Variants in TRMT44 observed in about 807,000 individuals in gnomAD.
TRMT44 encodes the protein probable tRNA (uracil-O(2)-)-methyltransferase.
In TRMT44, 78 loss-of-function variants were observed where a neutral mutation model predicts 77.3. The ratio of observed to expected loss-of-function variants is 1.01; its 90% CI spans 0.84 to 1.22. The LOEUF (loss-of-function observed/expected upper bound fraction) is 1.22, where lower values mean the gene tolerates loss of function less well. TRMT44 is among the 50% of genes most tolerant of loss of function. The pLI, the probability that TRMT44 is intolerant of heterozygous loss-of-function variation, is 0.00. For missense variants in TRMT44, 1,090 were observed against 964.4 expected, an observed-to-expected ratio of 1.13 and a Z score of -1.73; for synonymous variants, 391 against 383.3, an observed-to-expected ratio of 1.02 and a Z score of -0.23.
Position 8,452,995 on chromosome 4 carries a change from G to T in TRMT44, c.1131+6G>T. On this transcript the variant is annotated splice_donor_region_variant and intron_variant, in intron 5 of 10. Coordinates refer to ENST00000389737, the MANE Select transcript of TRMT44 (RefSeq NM_152544.3). This position sits in a 1 kb window ranked among gnomAD's most constrained non-coding sequence, Gnocchi z 5.7. ...ACATCCTGAGCAGTGAGGGGGTAAG[G>T]CCCGGCTCCATCACCTTTTCTGGTA... The T allele has an allele frequency of 2.0e-6, 3 of 1,479,062 alleles. No individual in the cohort carries two copies. Among genetic ancestry groups the T allele is most frequent in the Non-Finnish European group, 2.7e-6 (3 of 1,114,240 alleles). The allele number at this position is 1,479,062 out of a possible 1,614,324, so 91.6% of individuals were successfully genotyped here.
downstream of TRMT44, among the ~76,000 whole-genome samples, chr4:8,480,652 G>A (rs1035594939): frequency 2.6e-5 from 4 of 152,272 alleles, no homozygotes; most frequent in East Asian, 3.9e-4. Flanking sequence ...TCTCCCTGGC[G>A]CCTGCGACCA....
At position 8,461,861 on chromosome 4, in the gene TRMT44, T is replaced by C. The variant is rs576019310; in HGVS notation, c.1204-2124T>C. Among the ~76,000 whole-genome samples the C allele has an allele frequency of 8.5e-4, 129 of 152,336 alleles. No homozygotes were observed. The highest frequency in any genetic ancestry group is 1.4e-3 in the Non-Finnish European group (97 of 68,032). On this transcript the variant is annotated intron_variant, in intron 6 of 10. Transcript: ENST00000389737. This position sits in a 1 kb window ranked among gnomAD's most constrained non-coding sequence, Gnocchi z 4.6. The stretch of plus-strand genomic sequence containing the variant: ...TGGTGTTTGTGGATTTTCTAGTGAA[T>C]GATTTCCTTCCAGCTGCAGTTGAGT...
intron 10 of TRMT44, among the ~76,000 whole-genome samples, chr4:8,474,424 G>A (rs917493213): frequency 6.6e-6 from 1 of 152,220 alleles, no homozygotes; most frequent in South Asian, 2.1e-4. Flanking sequence ...GGCAGCCGTG[G>A]GAGGGCAAAC....
At chr4:8,470,967 C>T in intron 9 of TRMT44, 117 bp from the exon 10 acceptor site, 1 of 697,760 alleles carries the variant, frequency 1.4e-6, no homozygotes, top group East Asian at 2.7e-5. Context: ...GTCCTTCGTG[C>T]TGGAGTGCAT....
At position 8,444,923 on chromosome 4, in the gene TRMT44, C is replaced by A. The variant is rs138207896; in HGVS notation, c.620-1553C>A. Among the ~76,000 whole-genome samples the A allele has an allele frequency of 1.3e-5, 2 of 152,090 alleles. No homozygotes were observed. Among genetic ancestry groups the A allele is most frequent in the Non-Finnish European group, 2.9e-5 (2 of 68,032 alleles). ...AAAATCGAAATTTATCATTGTGTAG[C>A]GACAACAGTGACAGCAGATTTGGGG... On this transcript the variant is annotated intron_variant, in intron 1 of 10. Coordinates refer to ENST00000389737, the MANE Select transcript of TRMT44 (RefSeq NM_152544.3). This position sits in a 1 kb window ranked among gnomAD's most constrained non-coding sequence, Gnocchi z 4.0.
intron 2 of TRMT44, among the ~76,000 whole-genome samples, chr4:8,483,419 G>A (rs2631741): frequency 1.7e-3 from 248 of 150,150 alleles, no homozygotes; most frequent in South Asian, 3.2e-3. Context: ...AGTTTTTTTG[G>A]GGGGGGGCAC....
chr4:8,479,713 C>A (rs1257751608), downstream of TRMT44, among the ~76,000 whole-genome samples: 1 of 152,128 alleles, frequency 6.6e-6, no homozygotes, highest in Non-Finnish European at 1.5e-5. Context: ...ATGAACAACA[C>A]ACTTAGGCCA....
At chr4:8,506,680 T>G in the TRMT44 span, 2 of 152,292 alleles carry the variant, frequency 1.3e-5, no homozygotes, top group Non-Finnish European at 2.9e-5. Flanking sequence ...TGTGGAATTC[T>G]CACCTCCTGG....
chr4:8,442,732 G>A (rs1724829425), intron 1 of TRMT44, among the ~76,000 whole-genome samples: 1 of 152,182 alleles, frequency 6.6e-6, no homozygotes, highest in African/African-American at 2.4e-5. Flanking sequence ...GTCAGTTGCT[G>A]GAGGCTTCTT....
chr4:8,492,881 C>G (rs748996748), intron 2 of TRMT44, among the ~76,000 whole-genome samples: 2 of 152,210 alleles, frequency 1.3e-5, no homozygotes, highest in African/African-American at 2.4e-5. Flanking sequence ...CTTACATATA[C>G]TGATTGATGT....
chr4:8,473,115 A>C (rs1177428452), intron 10 of TRMT44, among the ~76,000 whole-genome samples: 1 of 152,196 alleles, frequency 6.6e-6, no homozygotes, highest in East Asian at 1.9e-4. Context: ...TATGAGGTTT[A>C]GGTTTTGTTT....
downstream of TRMT44, among the ~76,000 whole-genome samples, chr4:8,481,471 T>A (rs1261306742): frequency 6.6e-6 from 1 of 152,122 alleles, no homozygotes; most frequent in Non-Finnish European, 1.5e-5. Context: ...AACAAATACT[T>A]TACAGGGATC....
chr4:8,490,597 G>C (rs1012480468), intron 2 of TRMT44, among the ~76,000 whole-genome samples: 1 of 152,050 alleles, frequency 6.6e-6, no homozygotes, highest in Admixed American at 6.6e-5. Flanking sequence ...CCTCCCCGTG[G>C]GCTCGTGGTC....
chr4:8,501,085 C>T, the TRMT44 span, among the ~76,000 whole-genome samples: 19,400 of 152,258 alleles, frequency 0.13, 1,251 homozygotes, highest in African/African-American at 0.15. This position sits in a 1 kb window ranked among gnomAD's most constrained non-coding sequence, Gnocchi z 4.4. Flanking sequence ...GCAGCCCTGC[C>T]AGGCCCCCAG....
chr4:8,512,237 T>G, the TRMT44 span: 1 of 152,120 alleles, frequency 6.6e-6, no homozygotes, highest in South Asian at 2.1e-4. Flanking sequence ...TGGCTAATTT[T>G]TGTATTTTTA....
chr4:8,495,417 C>T (rs542502382), downstream of TRMT44, among the ~76,000 whole-genome samples: 11 of 152,264 alleles, frequency 7.2e-5, no homozygotes, highest in South Asian at 6.2e-4. Flanking sequence ...GAGGGACACT[C>T]GGGTTTTAGT....
chr4:8,482,087 G>A (rs1442354555), intron 2 of TRMT44, among the ~76,000 whole-genome samples: 2 of 152,188 alleles, frequency 1.3e-5, no homozygotes, highest in East Asian at 3.8e-4. Flanking sequence ...ACCCTTCACT[G>A]TAAATTTTCT....
chr4:8,475,719 T>TA (rs1373100102), intron 10 of TRMT44, 53 bp from the exon 11 acceptor site: 1 of 1,571,178 alleles, frequency 6.4e-7, no homozygotes, highest in African/African-American at 1.3e-5. Context: ...GCTGGTGAAT[T>TA]AAGGAACTTT....
chr4:8,462,169 G>T (rs1726197001), intron 6 of TRMT44, among the ~76,000 whole-genome samples: 1 of 152,082 alleles, frequency 6.6e-6, no homozygotes, highest in South Asian at 2.1e-4. Context: ...CCAGCACTTT[G>T]GGAGGCCGAG....
Sources: gnomAD v4.1 joint callset for allele counts (sites outside exome capture counted in the v4.1 genomes callset) on GRCh38, gnomAD v4.1.1 for gene constraint, Gnocchi (gnomAD v3.1) non-coding constraint, MANE v1.5 for transcripts, NCBI Gene and HGNC (gene_info 2026-07-23, HGNC 2026-07-21) for gene names.